Variants in POPDC2 observed in about 807,000 individuals in gnomAD.
POPDC2 encodes popeye domain cAMP effector 2.
A neutral mutation model predicts 30.5 loss-of-function variants in POPDC2; 24 were observed. That is an observed-to-expected ratio of 0.79 (90% CI 0.57 to 1.11). The LOEUF (loss-of-function observed/expected upper bound fraction) is 1.11, where lower values mean the gene tolerates loss of function less well. Ranked by LOEUF, POPDC2 falls within the 50% of genes least tolerant of loss-of-function variation. The pLI is 0.00. For synonymous variants in POPDC2, 185 were observed against 183.3 expected, an observed-to-expected ratio of 1.01 and a Z score of -0.07; for missense variants, 409 against 447.0, an observed-to-expected ratio of 0.91 and a Z score of 0.77.
Position 119,660,032 on chromosome 3 carries a change from T to C in POPDC2, c.392A>G (p.His131Arg). 6.2e-7 allele frequency: 1 copy of C among 1,614,148 alleles called. No individual in the cohort carries two copies. The highest frequency in any genetic ancestry group is 2.2e-5 in the East Asian group (1 of 44,884). Residue 131 changes from histidine to arginine, a missense_variant, in exon 1 of 4, where the codon CAC (histidine) becomes CGC (arginine). Transcript: ENST00000493094. The stretch of plus-strand genomic sequence containing the variant: ...AGTTAAGACCTGCTCCTCGCAGCAG[T>C]GAACAATCTCCTTGTATGTCTGTAG... Reference protein sequence around the residue: ...VPLQTYKEIVHCCEEQVLTLA... With the variant: ...VPLQTYKEIVRCCEEQVLTLA...
Position 119,660,182 on chromosome 3 carries a change from C to T in POPDC2, c.242G>A (p.Ser81Asn), listed in dbSNP as rs1481519555. Reference sequence around the variant, plus strand: ...CAGGCAGACCACAGCCAGCAGGAAGCTCCAAAGAACAATGTCCAGGCCACA... The same window carrying T: ...CAGGCAGACCACAGCCAGCAGGAAGTTCCAAAGAACAATGTCCAGGCCACA... ...SACGLDIVLW[S>N]FLLAVVCLLQ... The change falls in exon 1 of 4, where the codon AGC becomes AAC. Residue 81 changes from serine (S) to asparagine (N), a missense_variant. By Grantham distance (46) the Ser-to-Asn change is conservative (BLOSUM62 1). Transcript: ENST00000493094. 3 of 1,614,210 alleles carry T rather than the reference C, an allele frequency of 1.9e-6. No homozygotes were observed. The highest frequency in any genetic ancestry group is 1.7e-5 in the Admixed American group (1 of 60,028).
chr3:119,660,642 CTCTCT>C, upstream of POPDC2: 3 of 339,190 alleles, frequency 8.8e-6, no homozygotes, highest in Non-Finnish European at 1.0e-5. Context: ...CTCTCTCTCT[CTCTCT>C]CCCCCTCTCC....
At chr3:119,659,835 A>G in intron 1 of POPDC2, 98 bp downstream of exon 1, 1 of 1,407,292 alleles carries the variant, frequency 7.1e-7, no homozygotes, top group Non-Finnish European at 9.6e-7. Flanking sequence ...GGAAGGGGAC[A>G]CGAAATGGAA....
chr3:119,654,443 C>G, intron 2 of POPDC2, 62 bp downstream of exon 2: 1 of 1,121,724 alleles, frequency 8.9e-7, no homozygotes, highest in Non-Finnish European at 1.4e-6. Context: ...CATGGAGGCA[C>G]GGATATTGCT....
At chr3:119,658,401 T>C (rs1328943575) in intron 1 of POPDC2, among the ~76,000 whole-genome samples, 1 of 152,194 alleles carries the variant, frequency 6.6e-6, no homozygotes, top group Non-Finnish European at 1.5e-5. Flanking sequence ...CACTGGGAAG[T>C]GATCTTATAC....
intron 3 of POPDC2, among the ~76,000 whole-genome samples, chr3:119,644,126 G>C (rs540091988): frequency 7.9e-5 from 12 of 152,066 alleles, no homozygotes; most frequent in Admixed American, 1.3e-4. Context: ...TCCTCCTGTC[G>C]AGGGGCTCCT....
chr3:119,658,866 T>C (rs1368686562), intron 1 of POPDC2, among the ~76,000 whole-genome samples: 4 of 152,070 alleles, frequency 2.6e-5, no homozygotes, highest in Non-Finnish European at 4.4e-5. Context: ...ATTAGCATCA[T>C]TGTCAAACTT....
rs1214907929 is a variant in POPDC2 at position 119,660,147 on chromosome 3, C to G, written c.277G>C (p.Ala93Pro). 6.2e-7 allele frequency: 1 copy of G among 1,614,064 alleles called. No homozygotes were observed. Among genetic ancestry groups the G allele is most frequent in the East Asian group, 2.2e-5 (1 of 44,902 alleles). Residue 93 changes from alanine (A) to proline (P), a missense_variant, in exon 1 of 4, where the codon GCA (alanine) becomes CCA (proline). By Grantham distance (27) the Ala-to-Pro change is conservative (BLOSUM62 -1). Transcript: ENST00000493094. ...TCACGCAGGCGGTATACCAGGTGTGCCAGCTGGAGCAGGCAGACCACAGCC... is the reference window on the plus strand; with the variant it reads ...TCACGCAGGCGGTATACCAGGTGTGGCAGCTGGAGCAGGCAGACCACAGCC... ...LLAVVCLLQL[A>P]HLVYRLREDT... is the part of the protein sequence containing the mutation.
At chr3:119,649,676 G>T (rs1172627624) in intron 2 of POPDC2, among the ~76,000 whole-genome samples, 1 of 152,156 alleles carries the variant, frequency 6.6e-6, no homozygotes, top group Non-Finnish European at 1.5e-5. Context: ...TTTGTCAAGA[G>T]GTGCCAGGCG....
chr3:119,660,467 C>A lies in POPDC2; in HGVS notation c.-44G>T, dbSNP rs1314663192. 6.4e-7 allele frequency: 1 copy of A among 1,555,286 alleles called. No individual in the cohort carries two copies. Among genetic ancestry groups the A allele is most frequent in the East Asian group, 2.3e-5 (1 of 44,146 alleles). The stretch of plus-strand genomic sequence containing the variant: ...CCTCACTGGGCTCTAATACTGTCCT[C>A]ACATAGGAAATTCAGAAAATGAATG... On this transcript the variant is annotated 5_prime_UTR_variant, in exon 1 of 4. An upstream open reading frame in the 5' UTR loses its in-frame stop. Coordinates refer to ENST00000493094, the MANE Select transcript of POPDC2 (RefSeq NM_001369919.2).
intron 3 of POPDC2, among the ~76,000 whole-genome samples, chr3:119,647,886 T>A (rs1022098560): frequency 6.6e-6 from 1 of 152,214 alleles, no homozygotes; most frequent in Non-Finnish European, 1.5e-5. Flanking sequence ...GCTCAACGTA[T>A]CAACCAGCCC....
Position 119,648,311 on chromosome 3 carries a change from G to A in POPDC2, c.958C>T (p.Pro320Ser). Residue 320 changes from proline (P) to serine (S), a missense_variant, in exon 3 of 4, where the codon CCT (proline) becomes TCT (serine). By Grantham distance (74) the Pro-to-Ser change is moderately conservative. Coordinates refer to ENST00000493094, the MANE Select transcript of POPDC2 (RefSeq NM_001369919.2). ...AACCTGGCCCGGGTAGGAGGTGCAGGAAAGTTGGTGGTAGCTGGAGGGGTA... is the reference window on the plus strand; with the variant it reads ...AACCTGGCCCGGGTAGGAGGTGCAGAAAAGTTGGTGGTAGCTGGAGGGGTA... ...CSTPPATTNF[P>S]APPTRARLSR... The A allele has an allele frequency of 1.2e-6, 2 of 1,614,202 alleles. No individual in the cohort carries two copies. The highest frequency in any genetic ancestry group is 8.5e-7 in the Non-Finnish European group (1 of 1,180,046).
chr3:119,652,979 C>T (rs1180511019), intron 2 of POPDC2, among the ~76,000 whole-genome samples: 1 of 152,022 alleles, frequency 6.6e-6, no homozygotes, highest in Non-Finnish European at 1.5e-5. Flanking sequence ...CCAGTGTTTC[C>T]AGGTCCAGCA....
chr3:119,658,865 A>G (rs1467520741), intron 1 of POPDC2, among the ~76,000 whole-genome samples: 1 of 150,688 alleles, frequency 6.6e-6, no homozygotes, highest in Non-Finnish European at 1.5e-5. Flanking sequence ...CATTAGCATC[A>G]TTGTCAAACT....
At chr3:119,657,317 C>A (rs752149770) in intron 1 of POPDC2, among the ~76,000 whole-genome samples, 3 of 152,302 alleles carry the variant, frequency 2.0e-5, no homozygotes, top group Non-Finnish European at 4.4e-5. Flanking sequence ...GATATCAGCA[C>A]TCCTGAGCCT....
At chr3:119,651,457 T>G (rs1474753611) in intron 2 of POPDC2, among the ~76,000 whole-genome samples, 1 of 152,104 alleles carries the variant, frequency 6.6e-6, no homozygotes, top group East Asian at 1.9e-4. Flanking sequence ...CCCATTAGAA[T>G]GTAAATTGCA....
Position 119,660,266 on chromosome 3 carries a change from A to G in POPDC2, c.158T>C (p.Leu53Pro). Residue 53 changes from leucine to proline, a missense_variant, in exon 1 of 4, where the codon CTT becomes CCT. Coordinates refer to ENST00000493094, the MANE Select transcript of POPDC2 (RefSeq NM_001369919.2). ...GTAACCTGCACTCAGGAAGCCAAAA[A>G]GATAGAAGCATCCATACACCCCACT... ...GGSGVYGCFY[L>P]FGFLSAGYLC... is the part of the protein sequence containing the mutation. The G allele has an allele frequency of 1.2e-6, 2 of 1,614,224 alleles. No individual in the cohort carries two copies. Among genetic ancestry groups the G allele is most frequent in the Non-Finnish European group, 1.7e-6 (2 of 1,180,046 alleles).
intron 1 of POPDC2, among the ~76,000 whole-genome samples, chr3:119,658,106 A>C (rs1041355125): frequency 2.6e-5 from 4 of 152,208 alleles, no homozygotes; most frequent in African/African-American, 9.7e-5. Flanking sequence ...CCTGGCACAA[A>C]GTTCTTGTCT....
rs2052930511 is a variant in POPDC2, at chr3:119,660,465, C to G, written c.-42G>C. 5 of 1,561,700 alleles carry G rather than the reference C, an allele frequency of 3.2e-6. No individual in the cohort carries two copies. The highest frequency in any genetic ancestry group is 4.3e-6 in the Non-Finnish European group (5 of 1,153,062). On this transcript the variant is annotated 5_prime_UTR_variant, in exon 1 of 4. Coordinates refer to ENST00000493094, the MANE Select transcript of POPDC2 (RefSeq NM_001369919.2). ...AGCCTCACTGGGCTCTAATACTGTC[C>G]TCACATAGGAAATTCAGAAAATGAA...
Sources: gnomAD v4.1 joint callset for allele counts (sites outside exome capture counted in the v4.1 genomes callset) on GRCh38, gnomAD v4.1.1 for gene constraint, MANE v1.5 for transcripts, NCBI Gene and HGNC (gene_info 2026-07-23, HGNC 2026-07-21) for gene names.